Variants in EXOC6B observed in about 807,000 individuals in gnomAD.
EXOC6B encodes the protein exocyst complex component 6B.
In EXOC6B, 54 loss-of-function variants were observed where a neutral mutation model predicts 113.5. That is an observed-to-expected ratio of 0.48 (90% CI 0.38 to 0.60). The LOEUF (loss-of-function observed/expected upper bound fraction) is 0.60. Ranked by LOEUF, EXOC6B falls within the 20% of genes least tolerant of loss-of-function variation. The probability of loss-of-function intolerance (pLI) is 0.00; values close to 1 mark genes in which losing one functional copy is unlikely to be tolerated. For missense variants in EXOC6B, 797 were observed against 977.5 expected (o/e 0.82, Z 2.46); for synonymous variants, 357 against 339.0 (o/e 1.05, Z -0.58).
intron 18 of EXOC6B, among the ~76,000 whole-genome samples, chr2:72,380,377 C>A (rs1220997214): frequency 6.6e-6 from 1 of 152,146 alleles, no homozygotes; most frequent in East Asian, 1.9e-4. Context: ...CGGTGGCTCA[C>A]GCCTGTAATA....
chr2:72,449,474 A>G (rs1696786892), intron 18 of EXOC6B, among the ~76,000 whole-genome samples: 1 of 141,422 alleles, frequency 7.1e-6, no homozygotes, highest in Admixed American at 6.8e-5. Flanking sequence ...CCTGGCCAGC[A>G]TTGTCAATTT....
intron 20 of EXOC6B, among the ~76,000 whole-genome samples, chr2:72,323,408 A>G (rs2104837171): frequency 6.6e-6 from 1 of 152,304 alleles, no homozygotes. Flanking sequence ...AAGTTCAACC[A>G]TTGTGGAAGA....
intron 20 of EXOC6B, among the ~76,000 whole-genome samples, chr2:72,216,529 T>A (rs1231199219): frequency 1.3e-5 from 2 of 152,224 alleles, no homozygotes; most frequent in Non-Finnish European, 2.9e-5. Context: ...AAATACCATT[T>A]GACCCAGTAA....
chr2:72,702,544 TA>T (rs70963141), intron 6 of EXOC6B, among the ~76,000 whole-genome samples: 28,801 of 60,928 alleles, frequency 0.47, 6,886 homozygotes, highest in East Asian at 0.85. Context: ...ACCAACAGTG[TA>T]AAAGTGTTCC....
chr2:72,443,723 T>G (rs981842635), intron 18 of EXOC6B, among the ~76,000 whole-genome samples: 3 of 152,138 alleles, frequency 2.0e-5, no homozygotes, highest in African/African-American at 7.2e-5. Flanking sequence ...ACTCCCCTTT[T>G]TAAAAACATC....
intron 20 of EXOC6B, among the ~76,000 whole-genome samples, chr2:72,321,533 C>CA (rs766214952): frequency 0.11 from 6,868 of 60,512 alleles, 658 homozygotes; most frequent in African/African-American, 0.28. Context: ...GACTCCGTCT[C>CA]AAAAAAAAAA....
At chr2:72,538,442 T>C (rs1393053148) in intron 8 of EXOC6B, among the ~76,000 whole-genome samples, 1 of 152,256 alleles carries the variant, frequency 6.6e-6, no homozygotes, top group Non-Finnish European at 1.5e-5. Context: ...TTTAATAATA[T>C]ATTTTATCTA....
chr2:72,823,642 A>G (rs1686727651), intron 1 of EXOC6B, among the ~76,000 whole-genome samples: 1 of 151,892 alleles, frequency 6.6e-6, no homozygotes, highest in African/African-American at 2.4e-5. Flanking sequence ...GAAATTAGCC[A>G]GGTATGGTGG....
In EXOC6B at chr2:72,752,813, T is replaced by C. The variant is rs1472579496; in HGVS notation, c.114-11344A>G. ...CATCATTTACTTGACTCCACTTTTGTATGTGCCACCATGAACTATCCCCTC... is the reference window on the plus strand; with the variant it reads ...CATCATTTACTTGACTCCACTTTTGCATGTGCCACCATGAACTATCCCCTC... On this transcript the variant is annotated intron_variant, in intron 1 of 21. Transcript: ENST00000272427. 4.6e-5 allele frequency among the ~76,000 whole-genome samples: 7 copies of C among 152,284 alleles called. No individual in the cohort carries two copies. The East Asian group carries it at 1.2e-3, about 25-fold the overall frequency.
intron 18 of EXOC6B, among the ~76,000 whole-genome samples, chr2:72,390,756 C>A (rs886134879): frequency 2.6e-5 from 4 of 152,118 alleles, no homozygotes; most frequent in African/African-American, 9.7e-5. Context: ...GGGCCTTCAC[C>A]TTCTTACAGG....
intron 20 of EXOC6B, among the ~76,000 whole-genome samples, chr2:72,257,401 T>G (rs1369792141): frequency 6.6e-6 from 1 of 152,228 alleles, no homozygotes; most frequent in Non-Finnish European, 1.5e-5. Context: ...ACAGACAATA[T>G]TAGTATTGGA....
chr2:72,424,128 T>C (rs989531573), intron 18 of EXOC6B, among the ~76,000 whole-genome samples: 2 of 152,304 alleles, frequency 1.3e-5, no homozygotes, highest in Admixed American at 6.5e-5. Flanking sequence ...CCCTCTTATT[T>C]CTATGATTGG....
intron 18 of EXOC6B, among the ~76,000 whole-genome samples, chr2:72,404,344 C>A (rs1693572250): frequency 6.6e-6 from 1 of 152,210 alleles, no homozygotes; most frequent in African/African-American, 2.4e-5. Flanking sequence ...CCCTGTCTGA[C>A]CACTTTGAAG....
chr2:72,236,367 G>C (rs937383269), intron 20 of EXOC6B, among the ~76,000 whole-genome samples: 4 of 152,116 alleles, frequency 2.6e-5, no homozygotes, highest in African/African-American at 4.8e-5. Flanking sequence ...TGACCTATTG[G>C]ATATGTTATT....
chr2:72,695,979 G>T (rs956296110), intron 6 of EXOC6B, among the ~76,000 whole-genome samples: 3 of 151,846 alleles, frequency 2.0e-5, no homozygotes, highest in Admixed American at 2.0e-4. Flanking sequence ...GAAGTTTCAA[G>T]GTTATCCAAA....
intron 6 of EXOC6B, among the ~76,000 whole-genome samples, chr2:72,710,419 G>GAA (rs1009226911): frequency 6.8e-6 from 1 of 146,906 alleles, no homozygotes; most frequent in Non-Finnish European, 1.5e-5. Context: ...AAGGCAAGCA[G>GAA]AAAAAAAAAA....
chr2:72,239,120 G>A (rs543270079), intron 20 of EXOC6B, among the ~76,000 whole-genome samples: 1 of 152,216 alleles, frequency 6.6e-6, no homozygotes, highest in South Asian at 2.1e-4. Flanking sequence ...CAAACTCCTG[G>A]GCTCAAGCAA....
chr2:72,595,287 ATATATATC>A lies in EXOC6B; in HGVS notation c.670-19627_670-19620del, dbSNP rs377750625. On this transcript the variant is annotated intron_variant, in intron 6 of 21. Transcript: ENST00000272427. ...AATATATATATATAGATATATAGAT[ATATATATC>A]TATATATATATATGACAATTAATAA... 1.6e-3 allele frequency among the ~76,000 whole-genome samples: 243 copies of A among 147,296 alleles called. 2 individuals are homozygous for A. The highest frequency in any genetic ancestry group is 2.0e-3 in the Non-Finnish European group (136 of 67,130).
intron 6 of EXOC6B, 50 bp downstream of exon 6, chr2:72,718,053 C>G (rs1679740179): frequency 7.0e-7 from 1 of 1,434,874 alleles, no homozygotes; most frequent in African/African-American, 1.4e-5. Context: ...CTGTGTTTAA[C>G]TCAATACTGA....
Sources: gnomAD v4.1 joint callset for allele counts (sites outside exome capture counted in the v4.1 genomes callset) on GRCh38, gnomAD v4.1.1 for gene constraint, MANE v1.5 for transcripts, NCBI Gene and HGNC (gene_info 2026-07-23, HGNC 2026-07-21) for gene names.